WDR19: variants seen among roughly 807,000 people sequenced by gnomAD.
The protein encoded by WDR19 is WD repeat domain 19, also known as WD repeat-containing protein 19.
Under a neutral mutation model 180.0 loss-of-function variants are expected in WDR19, and 121 were observed. That is an observed-to-expected ratio of 0.67 (90% CI 0.58 to 0.78). The LOEUF (loss-of-function observed/expected upper bound fraction) is 0.78. WDR19 is among the 30% of genes least tolerant of loss of function. The pLI is 0.00. For synonymous variants in WDR19, 497 were observed against 540.7 expected (o/e 0.92, Z 1.12); for missense variants, 1,450 against 1,640.7 (o/e 0.88, Z 2.01).
At chr4:39,244,610 G>C in intron 23 of WDR19, 58 bp downstream of exon 23, 2 of 1,595,314 alleles carry the variant, frequency 1.3e-6, no homozygotes, top group Non-Finnish European at 1.7e-6. Flanking sequence ...TGCCTCTGGG[G>C]TCTCCCCACT....
intron 30 of WDR19, among the ~76,000 whole-genome samples, chr4:39,269,497 G>A (rs1244065714): frequency 6.6e-6 from 1 of 152,172 alleles, no homozygotes; most frequent in Non-Finnish European, 1.5e-5. Context: ...ACATCAAGGA[G>A]GACACCACCA....
rs2109368525 is a variant in WDR19 at position 39,232,256 on chromosome 4, C to G, written c.2237C>G (p.Pro746Arg). Residue 746 changes from proline (P) to arginine (R), a missense_variant, in exon 19 of 37, where the codon CCT becomes CGT. Physicochemically the swap from Pro to Arg is moderately radical, Grantham distance 103. Coordinates refer to ENST00000399820, the MANE Select transcript of WDR19 (RefSeq NM_025132.4). ...AQDLYLASSCPIAALEMRRDL... is the reference protein window; with the variant it reads ...AQDLYLASSCRIAALEMRRDL... ...GACTTGTACCTTGCATCCAGCTGTC[C>G]TATTGCTGCCCTGGAGGTATGGCAG... The G allele has an allele frequency of 6.2e-7, 1 of 1,608,664 alleles. No homozygotes were observed. The highest frequency in any genetic ancestry group is 8.5e-7 in the Non-Finnish European group (1 of 1,177,788).
intron 36 of WDR19, among the ~76,000 whole-genome samples, chr4:39,280,237 C>T (rs1736369411): frequency 6.7e-6 from 1 of 150,248 alleles, no homozygotes; most frequent in African/African-American, 2.4e-5. Flanking sequence ...GCTGGGACTA[C>T]AGGCATGAGC....
intron 6 of WDR19, 76 bp from the exon 7 acceptor site, chr4:39,203,566 T>G: frequency 8.2e-7 from 1 of 1,224,270 alleles, no homozygotes; most frequent in Admixed American, 2.0e-5. Context: ...TGAAAACAAG[T>G]TATCCATTCT....
chr4:39,234,905 A>C, intron 20 of WDR19, 30 bp downstream of exon 20: 1 of 1,399,970 alleles, frequency 7.1e-7, no homozygotes, highest in Non-Finnish European at 9.9e-7. Context: ...CATTTCAGTC[A>C]GTAGCTAATG....
chr4:39,264,925 T>TG (rs774298955), intron 28 of WDR19, among the ~76,000 whole-genome samples: 29 of 151,102 alleles, frequency 1.9e-4, no homozygotes, highest in Non-Finnish European at 3.2e-4. Flanking sequence ...GATGACGTTT[T>TG]TTTTTTTTTT....
chr4:39,185,706 A>C lies in WDR19; in HGVS notation c.7-20A>C, dbSNP rs767615148. ...TGATTGTATGTTTTGAAAATATTAA[A>C]AATTGTGTTTATTTTTTAGCGTATT... On this transcript the variant is annotated intron_variant, in intron 1 of 36. Transcript: ENST00000399820. 10 of 1,549,296 alleles carry C rather than the reference A, an allele frequency of 6.5e-6. No individual in the cohort carries two copies. The highest frequency in any genetic ancestry group is 8.7e-6 in the Non-Finnish European group (10 of 1,145,022).
intron 21 of WDR19, 49 bp from the exon 22 acceptor site, chr4:39,244,199 T>G (rs1732260409): frequency 6.3e-7 from 1 of 1,590,074 alleles, no homozygotes; most frequent in South Asian, 1.1e-5. Flanking sequence ...CTTAAACACA[T>G]CGTGTTAAGC....
chr4:39,228,357 G>A lies in WDR19; in HGVS notation c.1777G>A (p.Gly593Arg). ...TYVFHKDTIQ[G>R]AKVILAGSTK... Reference sequence around the variant, plus strand: ...TGTCTTTCACAAGGACACTATACAAGGTACTAAACCCCTTTTGTGTATATT... The same window carrying A: ...TGTCTTTCACAAGGACACTATACAAAGTACTAAACCCCTTTTGTGTATATT... The change falls in exon 16 of 37, where the codon GGA becomes AGA. Residue 593 changes from glycine (G) to arginine (R), a missense_variant and splice_region_variant. Physicochemically the swap from Gly to Arg is moderately radical, Grantham distance 125. Coordinates refer to ENST00000399820, the MANE Select transcript of WDR19 (RefSeq NM_025132.4). 1 of 1,607,858 alleles carries A rather than the reference G, an allele frequency of 6.2e-7. No individual in the cohort carries two copies. The highest frequency in any genetic ancestry group is 8.5e-7 in the Non-Finnish European group (1 of 1,175,390).
chr4:39,263,299 A>G (rs1426614962), intron 28 of WDR19, among the ~76,000 whole-genome samples: 1 of 152,102 alleles, frequency 6.6e-6, no homozygotes, highest in African/African-American at 2.4e-5. Flanking sequence ...CACTTGCTAA[A>G]TATAGAAGTC....
chr4:39,240,971 A>AG (rs1560527900), intron 21 of WDR19, among the ~76,000 whole-genome samples: 1 of 151,310 alleles, frequency 6.6e-6, no homozygotes, highest in African/African-American at 2.4e-5. Context: ...AAAAAAAAAA[A>AG]AGTTTCAGTA....
intron 5 of WDR19, among the ~76,000 whole-genome samples, chr4:39,196,530 A>G (rs1726765672): frequency 6.6e-6 from 1 of 152,246 alleles, no homozygotes; most frequent in Middle Eastern, 3.4e-3. Context: ...TCAACCTCCA[A>G]ATATCTCCAG....
At chr4:39,265,392 AG>A (rs1324462786) in intron 28 of WDR19, among the ~76,000 whole-genome samples, 1 of 152,088 alleles carries the variant, frequency 6.6e-6, no homozygotes, top group Non-Finnish European at 1.5e-5. Flanking sequence ...GCTGCAGAGG[AG>A]GGCCCCTGGA....
intron 35 of WDR19, 86 bp downstream of exon 35, chr4:39,278,293 C>A: frequency 1.6e-6 from 2 of 1,281,210 alleles, no homozygotes; most frequent in South Asian, 1.4e-5. Context: ...AAGCATTCTT[C>A]TATTTGTGTT....
At chr4:39,255,777 T>C (rs943976322) in intron 26 of WDR19, 71 bp from the exon 27 acceptor site, 20 of 740,634 alleles carry the variant, frequency 2.7e-5, no homozygotes, top group Non-Finnish European at 4.1e-5. Flanking sequence ...TTTTAGATTT[T>C]ATTTTCAGGT....
chr4:39,251,595 T>A (rs1049976661), intron 24 of WDR19, among the ~76,000 whole-genome samples: 6 of 151,058 alleles, frequency 4.0e-5, no homozygotes, highest in South Asian at 2.1e-4. Flanking sequence ...TGGGAGAAAA[T>A]TTTTGCAACC....
intron 29 of WDR19, among the ~76,000 whole-genome samples, chr4:39,267,291 C>A (rs1734908780): frequency 6.6e-6 from 1 of 152,092 alleles, no homozygotes; most frequent in Non-Finnish European, 1.5e-5. Context: ...GAAACGAGGG[C>A]AATAGAATGT....
chr4:39,194,837 A>C, intron 5 of WDR19, 178 bp downstream of exon 5: 1 of 568,392 alleles, frequency 1.8e-6, no homozygotes, highest in Non-Finnish European at 3.1e-6. Context: ...ACTGCTTACT[A>C]AGAACTTGCC....
chr4:39,211,929 C>G (rs954002188), intron 9 of WDR19, among the ~76,000 whole-genome samples: 2 of 135,254 alleles, frequency 1.5e-5, no homozygotes, highest in African/African-American at 5.5e-5. Flanking sequence ...TATAGACAGA[C>G]AGAGAGAGAG....
Sources: allele counts gnomAD v4.1 joint callset (sites outside exome capture counted in the v4.1 genomes callset), GRCh38; gene constraint gnomAD v4.1.1; transcripts MANE v1.5; gene names NCBI Gene and HGNC (gene_info 2026-07-23, HGNC 2026-07-21).